Variants in DPP10 observed in about 807,000 individuals in gnomAD.
The protein encoded by DPP10 is inactive dipeptidyl peptidase 10.
In DPP10, 33 loss-of-function variants were observed where a neutral mutation model predicts 120.9. The ratio of observed to expected loss-of-function variants is 0.27; its 90% confidence interval spans 0.21 to 0.37. The LOEUF is 0.37. Among genes scored for constraint, DPP10 ranks in the 10% least tolerant of loss-of-function variants. The probability of loss-of-function intolerance (pLI) is 1.00; values close to 1 mark genes in which losing one functional copy is unlikely to be tolerated. For missense variants in DPP10, 816 were observed against 942.8 expected (o/e 0.87, Z 1.76); for synonymous variants, 337 against 326.1 (o/e 1.03, Z -0.36).
chr2:115,378,378 G>A (rs1339996391), intron 3 of DPP10, among the ~76,000 whole-genome samples: 1 of 151,018 alleles, frequency 6.6e-6, no homozygotes, highest in Non-Finnish European at 1.5e-5. Context: ...GTATAAGAAT[G>A]CTTGTGATTT....
chr2:115,522,419 G>A (rs549024295), intron 4 of DPP10, among the ~76,000 whole-genome samples: 5 of 152,264 alleles, frequency 3.3e-5, no homozygotes, highest in African/African-American at 1.2e-4. Flanking sequence ...GTGTCTGCCT[G>A]GGGGCTTGTT....
chr2:115,232,338 T>C (rs2105495325), intron 1 of DPP10, among the ~76,000 whole-genome samples: 1 of 151,324 alleles, frequency 6.6e-6, no homozygotes, highest in South Asian at 2.1e-4. Context: ...AAAAAAAAGG[T>C]TTTTAGGTGC....
chr2:115,752,563 T>C (rs189045748), intron 10 of DPP10, among the ~76,000 whole-genome samples: 1 of 152,324 alleles, frequency 6.6e-6, no homozygotes, highest in African/African-American at 2.4e-5. Flanking sequence ...AAAAATTATG[T>C]ATTAAAAATT....
At chr2:115,168,124 G>T (rs2053044398) in intron 1 of DPP10, among the ~76,000 whole-genome samples, 1 of 151,880 alleles carries the variant, frequency 6.6e-6, no homozygotes, top group Non-Finnish European at 1.5e-5. Flanking sequence ...ATGGGGAGGG[G>T]CATGGAATTG....
At chr2:115,027,589 T>C (rs913856995) in intron 1 of DPP10, among the ~76,000 whole-genome samples, 3 of 152,192 alleles carry the variant, frequency 2.0e-5, no homozygotes, top group African/African-American at 7.2e-5. Flanking sequence ...GACCTGTAGC[T>C]TTCTTTTTTT....
intron 3 of DPP10, among the ~76,000 whole-genome samples, chr2:115,413,605 G>C (rs1186059665): frequency 6.6e-6 from 1 of 152,132 alleles, no homozygotes; most frequent in Admixed American, 6.6e-5. Flanking sequence ...TCACTAGCTT[G>C]ATTTAACTAG....
intron 1 of DPP10, among the ~76,000 whole-genome samples, chr2:114,657,766 AGC>A (rs1697074105): frequency 6.6e-6 from 1 of 152,220 alleles, no homozygotes; most frequent in African/African-American, 2.4e-5. Flanking sequence ...ATGAAATTTA[AGC>A]ACAAAAAATA....
intron 1 of DPP10, among the ~76,000 whole-genome samples, chr2:115,245,384 A>G (rs1319030525): frequency 6.6e-6 from 1 of 152,148 alleles, no homozygotes; most frequent in Non-Finnish European, 1.5e-5. Flanking sequence ...AAAAATGCTC[A>G]ACATCACTAA....
chr2:115,369,484 C>T (rs1240363988), intron 3 of DPP10, among the ~76,000 whole-genome samples: 9 of 152,116 alleles, frequency 5.9e-5, no homozygotes, highest in Non-Finnish European at 1.2e-4. Context: ...CTGTCCTGTG[C>T]CACACCTATA....
chr2:115,209,745 C>T (rs887777127), intron 1 of DPP10, among the ~76,000 whole-genome samples: 1 of 152,112 alleles, frequency 6.6e-6, no homozygotes, highest in Non-Finnish European at 1.5e-5. Context: ...AACTGTGTTT[C>T]CTGGGAGAGG....
chr2:114,463,687 C>A (rs1285236764), intron 1 of DPP10, among the ~76,000 whole-genome samples: 3 of 152,144 alleles, frequency 2.0e-5, no homozygotes, highest in East Asian at 1.9e-4. Flanking sequence ...ATTCTCTGCT[C>A]TGTAAAGTTC....
At chr2:115,510,325 T>G (rs1482662587) in intron 4 of DPP10, among the ~76,000 whole-genome samples, 1 of 152,200 alleles carries the variant, frequency 6.6e-6, no homozygotes, top group Non-Finnish European at 1.5e-5. Context: ...TTTGAGTGGA[T>G]TTTTTAATAT....
chr2:115,516,232 C>T (rs972229479), intron 4 of DPP10, among the ~76,000 whole-genome samples: 1 of 152,076 alleles, frequency 6.6e-6, no homozygotes, highest in Admixed American at 6.6e-5. Context: ...AGATTTTGCT[C>T]AAGACATTGA....
intron 1 of DPP10, among the ~76,000 whole-genome samples, chr2:115,197,295 G>A (rs765046709): frequency 9.2e-5 from 14 of 152,026 alleles, no homozygotes; most frequent in Non-Finnish European, 1.8e-4. Context: ...AGGAGGCTGA[G>A]GCAGGAGAAT....
chr2:114,739,375 T>C (rs1224155829), intron 1 of DPP10, among the ~76,000 whole-genome samples: 1 of 152,156 alleles, frequency 6.6e-6, no homozygotes, highest in Non-Finnish European at 1.5e-5. Context: ...GTAGAATCTA[T>C]GTTCTTGGAA....
At chr2:114,828,978 G>A (rs571741475) in intron 1 of DPP10, 1 of 152,156 alleles carries the variant, frequency 6.6e-6, no homozygotes, top group African/African-American at 2.4e-5. Context: ...AATAGTCTAA[G>A]GTCTCCTATA....
At chr2:114,575,290 T>A (rs1407528733) in intron 1 of DPP10, among the ~76,000 whole-genome samples, 1 of 152,136 alleles carries the variant, frequency 6.6e-6, no homozygotes, top group Non-Finnish European at 1.5e-5. Flanking sequence ...CACAGGATCA[T>A]GTTCCCTCTA....
intron 1 of DPP10, among the ~76,000 whole-genome samples, chr2:114,669,285 T>C (rs111449126): frequency 2.0e-5 from 3 of 152,312 alleles, no homozygotes; most frequent in African/African-American, 7.2e-5. Flanking sequence ...ATGCTTTTAA[T>C]AAATGCATAT....
chr2:115,228,393 TATAGA>T (rs773361721), intron 1 of DPP10, among the ~76,000 whole-genome samples: 63 of 152,234 alleles, frequency 4.1e-4, no homozygotes, highest in African/African-American at 6.5e-4. Context: ...TATTTTAAAA[TATAGA>T]ATAGATTATT....
Sources: gnomAD v4.1 joint callset for allele counts (sites outside exome capture counted in the v4.1 genomes callset) on GRCh38, gnomAD v4.1.1 for gene constraint, MANE v1.5 for transcripts, NCBI Gene and HGNC (gene_info 2026-07-23, HGNC 2026-07-21) for gene names.